KCNQ1OT1: variants seen among roughly 807,000 people sequenced by gnomAD.
The protein encoded by KCNQ1OT1 is KCNQ1 opposite strand/antisense transcript 1, also known as KCNQ1 antisense RNA 2 (non-protein coding).
exon 1 of KCNQ1OT1, chr11:2,681,704 G>C (rs1283564043): frequency 2.6e-6 from 1 of 389,142 alleles, no homozygotes; most frequent in Admixed American, 4.9e-5. Context: ...TGCTTCCCAT[G>C]TGTCTGTTCC....
In KCNQ1OT1 at chr11:2,663,250, G is replaced by C; in HGVS notation, n.36745C>G. ...AGCCAGCAGATCACTGGAAAGCAGGGGTGACTAGTCATGGACACCCTGAGA... is the reference window on the plus strand; with the variant it reads ...AGCCAGCAGATCACTGGAAAGCAGGCGTGACTAGTCATGGACACCCTGAGA... On this transcript the variant is annotated non_coding_transcript_exon_variant, in exon 1 of 1. Transcript: ENST00000597346. The surrounding 1 kb of genome is among the most constrained non-coding windows in gnomAD (Gnocchi z 5.2). The C allele has an allele frequency of 2.5e-6, 1 of 398,728 alleles. No homozygotes were observed. The highest frequency in any genetic ancestry group is 4.4e-6 in the Non-Finnish European group (1 of 226,152). The allele number at this position is 398,728 out of a possible 1,614,324, so 24.7% of individuals were successfully genotyped here. A position where few individuals can be genotyped will look rare whatever the true frequency, so the allele number is the denominator to read the frequency against.
At chr11:2,619,712 AT>A (rs35618307) in exon 1 of KCNQ1OT1, 21,554 of 290,108 alleles carry the variant, frequency 0.074, 220 homozygotes, top group South Asian at 0.13. Context: ...CTTTAGCTGC[AT>A]TTTTTTTTTT....
At position 2,627,030 on chromosome 11, in the gene KCNQ1OT1, A is replaced by G. The variant is rs1477667558; in HGVS notation, n.72965T>C. 2.5e-6 allele frequency: 1 copy of G among 398,484 alleles called. No homozygotes were observed. The highest frequency in any genetic ancestry group is 4.4e-6 in the Non-Finnish European group (1 of 226,072). 24.7% of individuals were successfully genotyped at this position (398,484 alleles called of 1,614,324 possible). Reference sequence around the variant, plus strand: ...TTTTGTGTGGTACTGACACCTTAACAATATTGGCCTTCCAATCCATGAACA... The same window carrying G: ...TTTTGTGTGGTACTGACACCTTAACGATATTGGCCTTCCAATCCATGAACA... On this transcript the variant is annotated non_coding_transcript_exon_variant, in exon 1 of 1. Transcript: ENST00000597346. This position sits in a 1 kb window ranked among gnomAD's most constrained non-coding sequence, Gnocchi z 4.9.
At chr11:2,667,816 G>C (rs974783434) in exon 1 of KCNQ1OT1, 8 of 398,558 alleles carry the variant, frequency 2.0e-5, no homozygotes, top group Non-Finnish European at 3.1e-5. Flanking sequence ...CCCTGGTATA[G>C]GGTGGTGGTG....
At chr11:2,648,023 G>T (rs1488508296) in exon 1 of KCNQ1OT1, 8 of 394,616 alleles carry the variant, frequency 2.0e-5, no homozygotes, top group South Asian at 1.4e-4. Flanking sequence ...AGACCAGCCT[G>T]AGCAACATGG....
exon 1 of KCNQ1OT1, chr11:2,634,327 TCC>T (rs1554900017): frequency 3.2e-5 from 3 of 92,928 alleles, no homozygotes; most frequent in Non-Finnish European, 5.9e-5. Context: ...CCCTCCCCCC[TCC>T]CCCCCCACCC....
chr11:2,682,265 A>G lies in KCNQ1OT1; in HGVS notation n.17730T>C. On this transcript the variant is annotated non_coding_transcript_exon_variant, in exon 1 of 1. Transcript: ENST00000597346. This position sits in a 1 kb window ranked among gnomAD's most constrained non-coding sequence, Gnocchi z 5.8. Reference sequence around the variant, plus strand: ...CTTCCTCAGAGGAGCCAATTTCTAAAGCTTAAGACTGGGCTGTAAAAAATC... The same window carrying G: ...CTTCCTCAGAGGAGCCAATTTCTAAGGCTTAAGACTGGGCTGTAAAAAATC... 1 of 398,568 alleles carries G rather than the reference A, an allele frequency of 2.5e-6. No individual in the cohort carries two copies. Among genetic ancestry groups the G allele is most frequent in the South Asian group, 1.3e-4 (1 of 7,858 alleles). The allele number at this position is 398,568 out of a possible 1,614,324, so 24.7% of individuals were successfully genotyped here. A position where few individuals can be genotyped will look rare whatever the true frequency, so the allele number is the denominator to read the frequency against.
At chr11:2,689,269 C>T (rs1850548532) in exon 1 of KCNQ1OT1, 1 of 398,744 alleles carries the variant, frequency 2.5e-6, no homozygotes, top group African/African-American at 2.1e-5. Flanking sequence ...TCCTATCAGC[C>T]TTTGCACAGA....
chr11:2,638,900 G>A (rs536009354), exon 1 of KCNQ1OT1: 22 of 152,264 alleles, frequency 1.4e-4, no homozygotes, highest in African/African-American at 5.1e-4. Context: ...TTTCTTGGAG[G>A]CTTTGTTCGT....
At chr11:2,633,654 T>C (rs1461114613) in exon 1 of KCNQ1OT1, 1 of 398,490 alleles carries the variant, frequency 2.5e-6, no homozygotes, top group Non-Finnish European at 4.4e-6. Context: ...TTGGCACCTT[T>C]GTCAAAAACC....
chr11:2,666,668 G>A (rs1400598625), exon 1 of KCNQ1OT1: 6 of 398,562 alleles, frequency 1.5e-5, no homozygotes, highest in Non-Finnish European at 4.4e-6. Flanking sequence ...CTCTTTTGAT[G>A]GGACCAGCTT....
chr11:2,645,456 A>C lies in KCNQ1OT1; in HGVS notation n.54539T>G. On this transcript the variant is annotated non_coding_transcript_exon_variant, in exon 1 of 1. Coordinates refer to ENST00000597346, the Ensembl canonical transcript of KCNQ1OT1. This position sits in a 1 kb window ranked among gnomAD's most constrained non-coding sequence, Gnocchi z 5.8. The stretch of plus-strand genomic sequence containing the variant: ...TGTACTGACTGTGGTAGGCAGGCAC[A>C]GGAAGATCCCTGTATACCCTGCTGA... 1 of 398,724 alleles carries C rather than the reference A, an allele frequency of 2.5e-6. No homozygotes were observed. The highest frequency in any genetic ancestry group is 4.4e-6 in the Non-Finnish European group (1 of 226,124). 24.7% of individuals were successfully genotyped at this position (398,724 alleles called of 1,614,324 possible).
At position 2,673,150 on chromosome 11, in the gene KCNQ1OT1, A is replaced by T. The variant is rs867001109; in HGVS notation, n.26845T>A. 2.0e-5 allele frequency: 8 copies of T among 398,526 alleles called. No individual in the cohort carries two copies. The highest frequency in any genetic ancestry group is 3.5e-5 in the Non-Finnish European group (8 of 226,146). 24.7% of individuals were successfully genotyped at this position (398,526 alleles called of 1,614,324 possible). On this transcript the variant is annotated non_coding_transcript_exon_variant, in exon 1 of 1. Coordinates refer to ENST00000597346, the Ensembl canonical transcript of KCNQ1OT1. The surrounding 1 kb of genome is among the most constrained non-coding windows in gnomAD (Gnocchi z 4.5). ...AGGGCAGGGGTGCTGACCATCCCTG[A>T]CCCAAGCACGAGGATCAGAATGGGC...
rs2133791119 is a variant in KCNQ1OT1, at chr11:2,611,185, G to T, written n.88810C>A. On this transcript the variant is annotated non_coding_transcript_exon_variant, in exon 1 of 1. Transcript: ENST00000597346. The surrounding 1 kb of genome is among the most constrained non-coding windows in gnomAD (Gnocchi z 5.3). ...GCTTCTCAGTATCTCTAATAACATG[G>T]TTTGTTTTTAAAGTCTATTTTGTCT... 2.5e-6 allele frequency: 1 copy of T among 398,112 alleles called. No homozygotes were observed. Among genetic ancestry groups the T allele is most frequent in the African/African-American group, 2.1e-5 (1 of 48,600 alleles). The allele number at this position is 398,112 out of a possible 1,614,324, so 24.7% of individuals were successfully genotyped here.
rs148405336 is a variant in KCNQ1OT1, at chr11:2,613,832, AG to A, written n.86162del. 2.5e-3 allele frequency: 996 copies of A among 398,512 alleles called. 9 individuals are homozygous for A. Among genetic ancestry groups the A allele is most frequent in the African/African-American group, 0.019 (933 of 48,734 alleles). 24.7% of individuals were successfully genotyped at this position (398,512 alleles called of 1,614,324 possible). A position where few individuals can be genotyped will look rare whatever the true frequency, so the allele number is the denominator to read the frequency against. The stretch of plus-strand genomic sequence containing the variant: ...CTACCCATTATAGGTAACCAGTTTC[AG>A]TGTTTTCTAGTTTATAGTTTGTGTG... On this transcript the variant is annotated non_coding_transcript_exon_variant, in exon 1 of 1. Transcript: ENST00000597346. The surrounding 1 kb of genome is among the most constrained non-coding windows in gnomAD (Gnocchi z 4.8).
In KCNQ1OT1 at chr11:2,636,370, AT is replaced by A. The variant is rs1351966299; in HGVS notation, n.63624del. 8 of 151,832 alleles carry A rather than the reference AT, an allele frequency of 5.3e-5. No individual in the cohort carries two copies. The East Asian group carries it at 1.5e-3, about 29-fold the overall frequency. 9.4% of individuals were successfully genotyped at this position (151,832 alleles called of 1,614,324 possible). Reference sequence around the variant, plus strand: ...TTGAGATACATCCCATCAATACCTAATTTATTGAGAGTTTTTAGCATGAAGG... The same window carrying A: ...TTGAGATACATCCCATCAATACCTAATTATTGAGAGTTTTTAGCATGAAGG... On this transcript the variant is annotated non_coding_transcript_exon_variant, in exon 1 of 1. Coordinates refer to ENST00000597346, the Ensembl canonical transcript of KCNQ1OT1.
rs2133855517 is a variant in KCNQ1OT1, at chr11:2,661,706, C to A, written n.38289G>T. On this transcript the variant is annotated non_coding_transcript_exon_variant, in exon 1 of 1. Coordinates refer to ENST00000597346, the Ensembl canonical transcript of KCNQ1OT1. The surrounding 1 kb of genome is among the most constrained non-coding windows in gnomAD (Gnocchi z 5.9). ...GAGAGTCTTGGACACCTGAGCACAGCCCCAGGCACAGTTACCACTCCGAAG... is the reference window on the plus strand; with the variant it reads ...GAGAGTCTTGGACACCTGAGCACAGACCCAGGCACAGTTACCACTCCGAAG... 1 of 609,238 alleles carries A rather than the reference C, an allele frequency of 1.6e-6. No individual in the cohort carries two copies. Among genetic ancestry groups the A allele is most frequent in the Non-Finnish European group, 2.9e-6 (1 of 340,968 alleles). 37.7% of individuals were successfully genotyped at this position (609,238 alleles called of 1,614,324 possible). A position where few individuals can be genotyped will look rare whatever the true frequency, so the allele number is the denominator to read the frequency against.
In KCNQ1OT1 at chr11:2,659,943, C is replaced by G. The variant is rs1172230187; in HGVS notation, n.40052G>C. ...TCTTTATATATTCTGAGTGCAAGTCCTTGACCTGATAGGTGATATGCAAAT... is the reference window on the plus strand; with the variant it reads ...TCTTTATATATTCTGAGTGCAAGTCGTTGACCTGATAGGTGATATGCAAAT... On this transcript the variant is annotated non_coding_transcript_exon_variant, in exon 1 of 1. Transcript: ENST00000597346. This position sits in a 1 kb window ranked among gnomAD's most constrained non-coding sequence, Gnocchi z 4.3. The G allele has an allele frequency of 1.3e-5, 5 of 398,210 alleles. No individual in the cohort carries two copies. Among genetic ancestry groups the G allele is most frequent in the African/African-American group, 1.0e-4 (5 of 48,580 alleles). 24.7% of individuals were successfully genotyped at this position (398,210 alleles called of 1,614,324 possible).
chr11:2,663,141 G>GC lies in KCNQ1OT1; in HGVS notation n.36853dup, dbSNP rs1371854497. On this transcript the variant is annotated non_coding_transcript_exon_variant, in exon 1 of 1. Transcript: ENST00000597346. The surrounding 1 kb of genome is among the most constrained non-coding windows in gnomAD (Gnocchi z 5.2). Reference sequence around the variant, plus strand: ...GGGTAATTATGATCAGACAGGACCTGCCCACTGTCTTTCCAGGCCCCCCCA... The same window carrying GC: ...GGGTAATTATGATCAGACAGGACCTGCCCCACTGTCTTTCCAGGCCCCCCCA... The GC allele has an allele frequency of 2.5e-6, 1 of 398,606 alleles. No individual in the cohort carries two copies. Among genetic ancestry groups the GC allele is most frequent in the Admixed American group, 4.4e-5 (1 of 22,718 alleles). 24.7% of individuals were successfully genotyped at this position (398,606 alleles called of 1,614,324 possible).
Sources: gnomAD v4.1 joint callset for allele counts on GRCh38, gnomAD v4.1.1 for gene constraint, Gnocchi (gnomAD v3.1) non-coding constraint, MANE v1.5 for transcripts, NCBI Gene and HGNC (gene_info 2026-07-23, HGNC 2026-07-21) for gene names.